KCNJ6: variants seen among roughly 807,000 people sequenced by gnomAD.
The protein encoded by KCNJ6 is G protein-activated inward rectifier potassium channel 2.
KCNJ6 carries 9 observed loss-of-function variants against 34.2 expected under a neutral mutation model. That is an observed-to-expected ratio of 0.26 (90% confidence interval 0.16 to 0.46). The LOEUF (loss-of-function observed/expected upper bound fraction) is 0.46, where lower values mean the gene tolerates loss of function less well. KCNJ6 is among the 20% of genes least tolerant of loss of function. KCNJ6 has a pLI of 1.00. For missense variants in KCNJ6, 236 were observed against 531.3 expected (o/e 0.44, Z 5.46); for synonymous variants, 196 against 207.1 (o/e 0.95, Z 0.46).
At chr21:37,845,288 A>T (rs943768823) in intron 1 of KCNJ6, among the ~76,000 whole-genome samples, 1 of 152,258 alleles carries the variant, frequency 6.6e-6, no homozygotes, top group African/African-American at 2.4e-5. Flanking sequence ...AAATCAGAAA[A>T]GCAGGAATCA....
chr21:37,739,303 C>T lies in KCNJ6; in HGVS notation c.26-24172G>A, dbSNP rs183978909. 5.0e-4 allele frequency among the ~76,000 whole-genome samples: 76 copies of T among 152,180 alleles called. No individual in the cohort carries two copies. In the Middle Eastern group the frequency reaches 0.014, roughly 27 times the overall value. ...TATGCAGGTGGCTGGCATTATATTT[C>T]CACTGGGCAGGGCTGTTACAGAACA... is the stretch of plus-strand genomic sequence containing the variant. On this transcript the variant is annotated intron_variant, in intron 2 of 3. Coordinates refer to ENST00000609713, the MANE Select transcript of KCNJ6 (RefSeq NM_002240.5).
At chr21:37,810,408 T>C (rs1947527985) in intron 2 of KCNJ6, among the ~76,000 whole-genome samples, 1 of 152,182 alleles carries the variant, frequency 6.6e-6, no homozygotes, top group African/African-American at 2.4e-5. Context: ...GAGGCAGGGC[T>C]AGAAGGGGAT....
At chr21:37,902,314 C>T (rs1393652622) in intron 1 of KCNJ6, among the ~76,000 whole-genome samples, 1 of 152,180 alleles carries the variant, frequency 6.6e-6, no homozygotes, top group Non-Finnish European at 1.5e-5. Context: ...TGAGTGACAT[C>T]TAGAATGGAT....
chr21:37,697,402 A>G (rs962801243), intron 3 of KCNJ6, among the ~76,000 whole-genome samples: 3 of 152,256 alleles, frequency 2.0e-5, no homozygotes, highest in African/African-American at 7.2e-5. Flanking sequence ...TGGGAAAGAC[A>G]GAGAACAAAG....
At chr21:37,887,620 T>C (rs1229640886) in intron 1 of KCNJ6, among the ~76,000 whole-genome samples, 4 of 152,130 alleles carry the variant, frequency 2.6e-5, no homozygotes, top group African/African-American at 9.7e-5. Flanking sequence ...TAATGAGTGA[T>C]GTGTGGTGGT....
At chr21:37,866,492 C>A (rs1030726550) in intron 1 of KCNJ6, among the ~76,000 whole-genome samples, 5 of 152,214 alleles carry the variant, frequency 3.3e-5, no homozygotes, top group African/African-American at 9.6e-5. Flanking sequence ...GGAGCCCGAC[C>A]TTTCACATAC....
At chr21:37,869,019 T>C (rs2055637112) in intron 1 of KCNJ6, among the ~76,000 whole-genome samples, 1 of 152,218 alleles carries the variant, frequency 6.6e-6, no homozygotes, top group Non-Finnish European at 1.5e-5. Flanking sequence ...GGCAAGAAAT[T>C]CACAGTGGCC....
chr21:37,864,274 G>A (rs976229490), intron 1 of KCNJ6, among the ~76,000 whole-genome samples: 1 of 151,980 alleles, frequency 6.6e-6, no homozygotes, highest in East Asian at 1.9e-4. Context: ...ACCATGCCTG[G>A]TTAATTTTTG....
intron 1 of KCNJ6, among the ~76,000 whole-genome samples, chr21:37,869,912 C>G (rs555095397): frequency 1.6e-4 from 25 of 152,200 alleles, no homozygotes; most frequent in African/African-American, 5.5e-4. Flanking sequence ...TGAGTGGCTT[C>G]CAAGGGTAGA....
Position 37,840,653 on chromosome 21 carries a change from C to T in KCNJ6, c.25+5G>A. ...AAAATAAATAATAAATTTGAAGCTACTCACTCATGGATTCTGTCAGCTTGG... is the reference window on the plus strand; with the variant it reads ...AAAATAAATAATAAATTTGAAGCTATTCACTCATGGATTCTGTCAGCTTGG... On this transcript the variant is annotated splice_donor_5th_base_variant and intron_variant, in intron 2 of 3. Coordinates refer to ENST00000609713, the MANE Select transcript of KCNJ6 (RefSeq NM_002240.5). 6.3e-7 allele frequency: 1 copy of T among 1,596,810 alleles called. No individual in the cohort carries two copies. The highest frequency in any genetic ancestry group is 8.6e-7 in the Non-Finnish European group (1 of 1,167,782).
At chr21:37,744,464 C>G (rs535238074) in intron 2 of KCNJ6, among the ~76,000 whole-genome samples, 1 of 152,212 alleles carries the variant, frequency 6.6e-6, no homozygotes, top group East Asian at 1.9e-4. Context: ...AGGTTAGGAA[C>G]GGGTCTCCTC....
chr21:37,864,642 C>T (rs1176177469), intron 1 of KCNJ6, among the ~76,000 whole-genome samples: 3 of 152,130 alleles, frequency 2.0e-5, no homozygotes, highest in Non-Finnish European at 4.4e-5. Flanking sequence ...GACTCAGGCC[C>T]TTCTGGTAGG....
chr21:37,752,770 A>G (rs2055002664), intron 2 of KCNJ6, among the ~76,000 whole-genome samples: 1 of 152,116 alleles, frequency 6.6e-6, no homozygotes, highest in Non-Finnish European at 1.5e-5. Flanking sequence ...CTCATTCCCA[A>G]ATTTCACTTC....
chr21:37,876,543 C>G (rs908653866), intron 1 of KCNJ6, among the ~76,000 whole-genome samples: 1 of 151,882 alleles, frequency 6.6e-6, no homozygotes, highest in Non-Finnish European at 1.5e-5. Context: ...TAAAATCACC[C>G]AAAATAATGA....
chr21:37,741,216 C>A (rs1341033463), intron 2 of KCNJ6, among the ~76,000 whole-genome samples: 2 of 152,200 alleles, frequency 1.3e-5, no homozygotes, highest in African/African-American at 4.8e-5. Flanking sequence ...AGATTGTTAT[C>A]CCCATGCTGT....
intron 1 of KCNJ6, among the ~76,000 whole-genome samples, chr21:37,849,358 C>T (rs764800147): frequency 7.2e-5 from 11 of 152,202 alleles, no homozygotes; most frequent in Non-Finnish European, 1.3e-4. Context: ...TCCAGACATC[C>T]TAAGCCTTGC....
chr21:37,813,467 C>G (rs979779160), intron 2 of KCNJ6, among the ~76,000 whole-genome samples: 6 of 152,094 alleles, frequency 3.9e-5, no homozygotes, highest in Admixed American at 3.3e-4. Flanking sequence ...GGCAAAAGAA[C>G]AAAACTGGAG....
At chr21:37,708,818 G>A (rs1009725543) in intron 3 of KCNJ6, among the ~76,000 whole-genome samples, 2 of 152,180 alleles carry the variant, frequency 1.3e-5, no homozygotes, top group Non-Finnish European at 2.9e-5. Flanking sequence ...AAATGTAGCA[G>A]CTATGAAATA....
intron 3 of KCNJ6, among the ~76,000 whole-genome samples, chr21:37,661,612 T>G (rs2054488367): frequency 2.4e-5 from 3 of 124,994 alleles, no homozygotes; most frequent in African/African-American, 3.2e-5. Context: ...TTAAGAGACA[T>G]AGTTTTTTTT....
Sources: gnomAD v4.1 joint callset for allele counts (sites outside exome capture counted in the v4.1 genomes callset) on GRCh38, gnomAD v4.1.1 for gene constraint, MANE v1.5 for transcripts, NCBI Gene and HGNC (gene_info 2026-07-23, HGNC 2026-07-21) for gene names.